XPO6: variants seen among roughly 807,000 people sequenced by gnomAD.
XPO6 encodes exportin-6.
A neutral mutation model predicts 130.0 loss-of-function variants in XPO6; 3 were observed. The ratio of observed to expected loss-of-function variants is 0.02; its 90% CI spans 0.01 to 0.06. XPO6 has a LOEUF of 0.06. Among genes scored for constraint, XPO6 ranks in the 10% least tolerant of loss-of-function variants. XPO6 has a pLI of 1.00. For synonymous variants in XPO6, 524 were observed against 548.9 expected (o/e 0.95, Z 0.63); for missense variants, 970 against 1,393.0 (o/e 0.70, Z 4.83).
chr16:28,133,098 G>T (rs1172873015), intron 11 of XPO6, among the ~76,000 whole-genome samples: 1 of 152,244 alleles, frequency 6.6e-6, no homozygotes, highest in African/African-American at 2.4e-5. Context: ...AGCACTCTGG[G>T]AGGCAGAGGC....
intron 1 of XPO6, among the ~76,000 whole-genome samples, chr16:28,182,667 ACTAT>A (rs939873197): frequency 1.3e-5 from 2 of 152,230 alleles, no homozygotes; most frequent in African/African-American, 4.8e-5. Context: ...TTTATTAAAA[ACTAT>A]CTATTTTTTC....
chr16:28,101,725 C>T lies in XPO6; in HGVS notation c.3046-37G>A. 6.3e-7 allele frequency: 1 copy of T among 1,592,126 alleles called. No homozygotes were observed. The highest frequency in any genetic ancestry group is 8.6e-7 in the Non-Finnish European group (1 of 1,165,914). The stretch of plus-strand genomic sequence containing the variant: ...GAGACCAGGTGAGCAGCAGCCAGCC[C>T]CCAGGGGCCTGTCCCGGGTCCCATC... On this transcript the variant is annotated intron_variant, in intron 22 of 23. Transcript: ENST00000304658. The surrounding 1 kb of genome is among the most constrained non-coding windows in gnomAD (Gnocchi z 5.4).
At chr16:28,133,058 C>T (rs1214771727) in intron 11 of XPO6, among the ~76,000 whole-genome samples, 1 of 152,214 alleles carries the variant, frequency 6.6e-6, no homozygotes, top group Non-Finnish European at 1.5e-5. Flanking sequence ...ACCCTATGGC[C>T]AGGGGCGGTG....
At chr16:28,209,767 A>C (rs576742711) in intron 1 of XPO6, among the ~76,000 whole-genome samples, 1 of 152,240 alleles carries the variant, frequency 6.6e-6, no homozygotes, top group East Asian at 1.9e-4. Flanking sequence ...CCTATCCCCA[A>C]ATTTCATAGT....
At chr16:28,135,116 G>T (rs1429244090) in intron 10 of XPO6, 100 bp downstream of exon 10, 3 of 916,222 alleles carry the variant, frequency 3.3e-6, no homozygotes, top group Admixed American at 2.4e-5. Flanking sequence ...TCTGGTTTCA[G>T]AACAGTCTTC....
At position 28,113,108 on chromosome 16, in the gene XPO6, C is replaced by T. The variant is rs1008819534; in HGVS notation, c.2005-58G>A. On this transcript the variant is annotated intron_variant, in intron 15 of 23. Coordinates refer to ENST00000304658, the MANE Select transcript of XPO6 (RefSeq NM_015171.4). ...CATCCCTGTAAGACTGGGATTCGAA[C>T]TTTGCTGAGGCAGCCACAAGCTATG... is the stretch of plus-strand genomic sequence containing the variant. The T allele has an allele frequency of 5.1e-6, 8 of 1,569,852 alleles. No homozygotes were observed. The South Asian group carries it at 7.0e-5, about 14-fold the overall frequency.
At chr16:28,158,519 TG>T (rs553822617) in intron 6 of XPO6, among the ~76,000 whole-genome samples, 42 of 152,384 alleles carry the variant, frequency 2.8e-4, no homozygotes, top group African/African-American at 9.6e-4. Context: ...TAATATGTAA[TG>T]GGTTCATCAC....
intron 1 of XPO6, among the ~76,000 whole-genome samples, chr16:28,190,334 C>G (rs1314863319): frequency 1.3e-5 from 2 of 151,830 alleles, no homozygotes; most frequent in Non-Finnish European, 2.9e-5. Flanking sequence ...ATTCTCGTGT[C>G]TCAGCCTCCC....
chr16:28,135,392 G>C, intron 9 of XPO6, 68 bp from the exon 10 acceptor site: 1 of 1,267,884 alleles, frequency 7.9e-7, no homozygotes, highest in Non-Finnish European at 1.1e-6. Flanking sequence ...AATGCCTCCT[G>C]CACTATAAAA....
intron 9 of XPO6, among the ~76,000 whole-genome samples, chr16:28,144,280 A>C (rs1294256012): frequency 6.6e-6 from 1 of 152,248 alleles, no homozygotes; most frequent in Non-Finnish European, 1.5e-5. Flanking sequence ...CACAATTACA[A>C]AAACCATCTT....
intron 13 of XPO6, among the ~76,000 whole-genome samples, chr16:28,123,145 A>G (rs1031068289): frequency 6.6e-6 from 1 of 152,084 alleles, no homozygotes; most frequent in Admixed American, 6.5e-5. Flanking sequence ...TGCTCTGTCA[A>G]CCAGGCCAGA....
At chr16:28,119,212 T>G (rs1596811487) in intron 14 of XPO6, among the ~76,000 whole-genome samples, 2 of 143,754 alleles carry the variant, frequency 1.4e-5, no homozygotes, top group South Asian at 2.2e-4. Context: ...AGGGACAGAG[T>G]CTCACTATGT....
chr16:28,152,625 T>C, intron 8 of XPO6, 34 bp downstream of exon 8: 1 of 1,588,202 alleles, frequency 6.3e-7, no homozygotes, highest in East Asian at 2.2e-5. Flanking sequence ...ATAAACCTTT[T>C]CTCTGGAAGG....
At chr16:28,112,880 C>T (rs1331536373) in intron 16 of XPO6, 24 bp downstream of exon 16, 1 of 1,607,442 alleles carries the variant, frequency 6.2e-7, no homozygotes, top group Non-Finnish European at 8.5e-7. Context: ...CCCTGGGGAC[C>T]CCGGGGGAGC....
chr16:28,156,279 T>A lies in XPO6; in HGVS notation c.892A>T (p.Asn298Tyr). 1 of 1,614,068 alleles carries A rather than the reference T, an allele frequency of 6.2e-7. No homozygotes were observed. The highest frequency in any genetic ancestry group is 1.1e-5 in the South Asian group (1 of 91,076). Residue 298 changes from asparagine to tyrosine, a missense_variant, in exon 7 of 24, where the codon AAC becomes TAC. By Grantham distance (143) the Asn-to-Tyr change is moderately radical (BLOSUM62 -2). Coordinates refer to ENST00000304658, the MANE Select transcript of XPO6 (RefSeq NM_015171.4). ...KMASVNGSSQ[N>Y]CVSGQERGRL... is the part of the protein sequence containing the mutation. The stretch of plus-strand genomic sequence containing the variant: ...CCGCGCTCCTGACCCGAGACACAGT[T>A]CTGGCTGCTGCCGTTAACTGACGCC...
intron 1 of XPO6, among the ~76,000 whole-genome samples, chr16:28,191,512 C>T (rs904394826): frequency 6.6e-6 from 1 of 152,156 alleles, no homozygotes; most frequent in Non-Finnish European, 1.5e-5. Context: ...TGCTAAAACA[C>T]GATCACAGAA....
chr16:28,155,998 A>C, intron 7 of XPO6, 76 bp downstream of exon 7: 1 of 1,516,348 alleles, frequency 6.6e-7, no homozygotes, highest in Non-Finnish European at 8.8e-7. Context: ...AGGATTACAG[A>C]TGCCATGCAG....
At chr16:28,198,955 C>T (rs978593041) in intron 1 of XPO6, among the ~76,000 whole-genome samples, 1 of 152,104 alleles carries the variant, frequency 6.6e-6, no homozygotes, top group East Asian at 1.9e-4. Context: ...ACCAGCCTGG[C>T]CAACCTGGTG....
chr16:28,119,380 C>G (rs2087167190), intron 14 of XPO6, among the ~76,000 whole-genome samples: 1 of 152,092 alleles, frequency 6.6e-6, no homozygotes, highest in Non-Finnish European at 1.5e-5. Context: ...ATATTAAGAG[C>G]CTTCTGACAT....
Sources: gnomAD v4.1 joint callset for allele counts (sites outside exome capture counted in the v4.1 genomes callset) on GRCh38, gnomAD v4.1.1 for gene constraint, Gnocchi (gnomAD v3.1) non-coding constraint, MANE v1.5 for transcripts, NCBI Gene and HGNC (gene_info 2026-07-23, HGNC 2026-07-21) for gene names.